Variants in KIAA1671 observed in about 807,000 individuals in gnomAD.
KIAA1671 encodes KIAA1671.
KIAA1671 carries 52 observed loss-of-function variants against 131.2 expected under a neutral mutation model. The observed-to-expected ratio is 0.40, with a 90% CI of 0.32 to 0.50. The LOEUF is 0.50. KIAA1671 is among the 20% of genes least tolerant of loss of function. KIAA1671 has a pLI of 0.73. For missense variants in KIAA1671, 2,360 were observed against 2,364.2 expected, an observed-to-expected ratio of 1.00 and a Z score of 0.04; for synonymous variants, 1,003 against 961.6, an observed-to-expected ratio of 1.04 and a Z score of -0.80.
chr22:24,986,646 TCCACCCACCCACCCATCCAC>T (rs1569198978), intron 1 of KIAA1671, among the ~76,000 whole-genome samples: 2 of 12,072 alleles, frequency 1.7e-4, no homozygotes, highest in Admixed American at 1.0e-3. Context: ...CACCCACCCA[TCCACCCACCCACCCATCCAC>T]CCACCCATCC....
At chr22:25,189,656 T>A (rs1934602277) in intron 11 of KIAA1671, among the ~76,000 whole-genome samples, 1 of 152,190 alleles carries the variant, frequency 6.6e-6, no homozygotes, top group Admixed American at 6.5e-5. Flanking sequence ...TAGGTTTAAG[T>A]TGATGCATAA....
chr22:25,037,406 A>G (rs1926673404), intron 4 of KIAA1671, among the ~76,000 whole-genome samples: 1 of 151,402 alleles, frequency 6.6e-6, no homozygotes, highest in African/African-American at 2.4e-5. Context: ...ATATGTATAT[A>G]TGTGTGTATA....
At chr22:25,162,571 ATAT>A (rs1291716054) in intron 6 of KIAA1671, among the ~76,000 whole-genome samples, 1 of 152,202 alleles carries the variant, frequency 6.6e-6, no homozygotes, top group Non-Finnish European at 1.5e-5. Context: ...CACTGCAAAA[ATAT>A]TATTCTCAGA....
chr22:25,037,133 G>C (rs1390369424), intron 4 of KIAA1671, among the ~76,000 whole-genome samples: 1 of 152,006 alleles, frequency 6.6e-6, no homozygotes, highest in East Asian at 1.9e-4. Flanking sequence ...GACCAGCCTG[G>C]CCAACGTGGT....
At chr22:25,170,339 A>G (rs1933803281) in intron 6 of KIAA1671, among the ~76,000 whole-genome samples, 1 of 152,206 alleles carries the variant, frequency 6.6e-6, no homozygotes, top group South Asian at 2.1e-4. Context: ...GCTCAGCCCA[A>G]TGCCTGTCCC....
intron 1 of KIAA1671, among the ~76,000 whole-genome samples, chr22:24,962,816 G>A (rs933017809): frequency 2.0e-5 from 3 of 152,094 alleles, no homozygotes; most frequent in South Asian, 2.1e-4. Context: ...GAGCCGGTGC[G>A]CTTTCCCCCT....
intron 1 of KIAA1671, among the ~76,000 whole-genome samples, chr22:24,995,369 T>TC (rs1359165356): frequency 2.8e-5 from 4 of 144,754 alleles, no homozygotes; most frequent in South Asian, 2.2e-4. Context: ...TTTTTTTTTT[T>TC]CTTGGCAGGG....
intron 6 of KIAA1671, chr22:25,053,908 GC>G (rs1312446365): frequency 6.6e-6 from 1 of 152,300 alleles, no homozygotes; most frequent in African/African-American, 2.4e-5. Context: ...AGGTAAATAG[GC>G]CAGGCACAGT....
chr22:25,100,740 A>AC (rs2145895546), intron 6 of KIAA1671, among the ~76,000 whole-genome samples: 1 of 152,194 alleles, frequency 6.6e-6, no homozygotes, highest in Non-Finnish European at 1.5e-5. Flanking sequence ...CTTACTACAA[A>AC]CCCCAAGTAA....
At chr22:25,090,818 G>A (rs1929993273) in intron 6 of KIAA1671, among the ~76,000 whole-genome samples, 2 of 152,206 alleles carry the variant, frequency 1.3e-5, no homozygotes, top group Non-Finnish European at 2.9e-5. Context: ...TTATCCCACA[G>A]GGCTGTCTTT....
Position 24,959,332 on chromosome 22 carries a change from C to T in KIAA1671, c.-208+6560C>T, listed in dbSNP as rs186951539. ...ACCAGCATGGCCAACATGGTGAAAC[C>T]CCATCTCTACTAAAAAAAAATAAAA... On this transcript the variant is annotated intron_variant, in intron 1 of 12. Transcript: ENST00000358431. 4.3e-3 allele frequency among the ~76,000 whole-genome samples: 653 copies of T among 151,560 alleles called. 4 individuals are homozygous for T. Among genetic ancestry groups the T allele is most frequent in the African/African-American group, 0.015 (625 of 41,312 alleles).
intron 9 of KIAA1671, among the ~76,000 whole-genome samples, chr22:25,177,728 G>A (rs1309847898): frequency 6.6e-6 from 1 of 152,100 alleles, no homozygotes. Flanking sequence ...TTACTACATG[G>A]ATGAGATGGG....
intron 9 of KIAA1671, chr22:25,179,636 T>C (rs1934195043): frequency 1.3e-6 from 1 of 771,336 alleles, no homozygotes; most frequent in Non-Finnish European, 2.1e-6. Flanking sequence ...AACTGATTTC[T>C]TGTTATGCAG....
chr22:25,042,097 A>G (rs1926960028), intron 5 of KIAA1671, among the ~76,000 whole-genome samples: 2 of 152,160 alleles, frequency 1.3e-5, no homozygotes, highest in Non-Finnish European at 2.9e-5. Flanking sequence ...AACCTCATTT[A>G]TCAAGAGAAT....
At chr22:25,014,449 C>G (rs926924805) in intron 1 of KIAA1671, 3 of 151,898 alleles carry the variant, frequency 2.0e-5, no homozygotes, top group African/African-American at 7.3e-5. Context: ...TACTCTGTCA[C>G]CCAGGCTGGC....
intron 1 of KIAA1671, among the ~76,000 whole-genome samples, chr22:24,992,632 TG>T (rs1039536069): frequency 3.3e-5 from 5 of 151,734 alleles, no homozygotes; most frequent in African/African-American, 1.2e-4. Context: ...TTGGCCAACA[TG>T]GTGAAACCCC....
At position 24,984,912 on chromosome 22, in the gene KIAA1671, C is replaced by CAAA. The variant is rs60969204; in HGVS notation, c.-208+32163_-208+32165dup. Among the ~76,000 whole-genome samples the CAAA allele has an allele frequency of 4.2e-3, 229 of 54,344 alleles. 8 individuals carry two copies. The highest frequency in any genetic ancestry group is 0.013 in the African/African-American group (183 of 14,606). The allele number at this position is 54,344 out of a possible 152,430, so 35.7% of individuals were successfully genotyped here. On this transcript the variant is annotated intron_variant, in intron 1 of 12. Transcript: ENST00000358431. ...CTGGCGACAGAGCTAGACTACGTCT[C>CAAA]AAAAAAAAAAAAAAAAAAAAAAAAA...
At chr22:24,984,505 T>C (rs1207100427) in intron 1 of KIAA1671, among the ~76,000 whole-genome samples, 1 of 152,178 alleles carries the variant, frequency 6.6e-6, no homozygotes, top group East Asian at 1.9e-4. Context: ...GTGAAGGTAA[T>C]GCATCATCTG....
At chr22:24,965,213 G>A (rs192403931) in intron 1 of KIAA1671, among the ~76,000 whole-genome samples, 163 of 151,760 alleles carry the variant, frequency 1.1e-3, no homozygotes, top group Admixed American at 4.1e-3. Flanking sequence ...TCAGGAATTC[G>A]AGACCAGCCT....
Sources: gnomAD v4.1 joint callset for allele counts (sites outside exome capture counted in the v4.1 genomes callset) on GRCh38, gnomAD v4.1.1 for gene constraint, MANE v1.5 for transcripts, NCBI Gene and HGNC (gene_info 2026-07-23, HGNC 2026-07-21) for gene names.